Variants in ADAMTS2 observed in about 807,000 individuals in gnomAD.
ADAMTS2 encodes A disintegrin and metalloproteinase with thrombospondin motifs 2.
A neutral mutation model predicts 123.0 loss-of-function variants in ADAMTS2; 50 were observed. That is an observed-to-expected ratio of 0.41 (90% confidence interval 0.32 to 0.51). The LOEUF is 0.51. Among genes scored for constraint, ADAMTS2 ranks in the 20% least tolerant of loss-of-function variants. ADAMTS2 has a pLI of 0.35. For missense variants in ADAMTS2, 1,494 were observed against 1,705.2 expected (o/e 0.88, Z 2.18); for synonymous variants, 678 against 695.4 (o/e 0.98, Z 0.39).
intron 10 of ADAMTS2, among the ~76,000 whole-genome samples, chr5:179,148,675 C>T (rs994077742): frequency 2.6e-5 from 4 of 152,214 alleles, no homozygotes; most frequent in Admixed American, 1.3e-4. Flanking sequence ...TGGTCCTCCT[C>T]GCTCGGGCAA....
At chr5:179,172,801 A>C (rs1304737765) in intron 5 of ADAMTS2, among the ~76,000 whole-genome samples, 1 of 152,234 alleles carries the variant, frequency 6.6e-6, no homozygotes, top group Non-Finnish European at 1.5e-5. Flanking sequence ...AGAGTGCTGA[A>C]TTCAGTCAAA....
Position 179,115,050 on chromosome 5 carries a change from A to T in ADAMTS2, c.3179-726T>A, listed in dbSNP as rs1762635939. Reference sequence around the variant, plus strand: ...CACCTTGCGCATCCAGCCATTTCCCAAAGAAACGTGCTGCCCTCACATAGA... The same window carrying T: ...CACCTTGCGCATCCAGCCATTTCCCTAAGAAACGTGCTGCCCTCACATAGA... On this transcript the variant is annotated intron_variant, in intron 21 of 21. Coordinates refer to ENST00000251582, the MANE Select transcript of ADAMTS2 (RefSeq NM_014244.5). The surrounding 1 kb of genome is among the most constrained non-coding windows in gnomAD (Gnocchi z 4.4). Among the ~76,000 whole-genome samples, 1 of 152,136 alleles carries T rather than the reference A, an allele frequency of 6.6e-6. No individual in the cohort carries two copies. Among genetic ancestry groups the T allele is most frequent in the Non-Finnish European group, 1.5e-5 (1 of 68,028 alleles).
In ADAMTS2 at chr5:179,129,242, G is replaced by T. The variant is rs574494602; in HGVS notation, c.2457+690C>A. 6.6e-6 allele frequency among the ~76,000 whole-genome samples: 1 copy of T among 152,146 alleles called. No homozygotes were observed. Among genetic ancestry groups the T allele is most frequent in the East Asian group, 1.9e-4 (1 of 5,186 alleles). ...GGCAGGGTGCCAGGGGGTACACGGG[G>T]CATACCTGGCTCACTGCTGCACCTG... On this transcript the variant is annotated intron_variant, in intron 16 of 21. Transcript: ENST00000251582. The surrounding 1 kb of genome is among the most constrained non-coding windows in gnomAD (Gnocchi z 4.1).
At chr5:179,271,868 G>A (rs961422443) in intron 3 of ADAMTS2, among the ~76,000 whole-genome samples, 1 of 152,230 alleles carries the variant, frequency 6.6e-6, no homozygotes, top group African/African-American at 2.4e-5. Flanking sequence ...AGGCGGGGCT[G>A]CTATGGAGTG....
intron 13 of ADAMTS2, among the ~76,000 whole-genome samples, chr5:179,134,111 G>A (rs1416816017): frequency 6.6e-6 from 1 of 152,192 alleles, no homozygotes; most frequent in Admixed American, 6.5e-5. Flanking sequence ...TTACAACCAT[G>A]ATCACAGCTG....
chr5:179,156,516 T>C (rs535818153), intron 6 of ADAMTS2, among the ~76,000 whole-genome samples: 32 of 151,920 alleles, frequency 2.1e-4, no homozygotes, highest in African/African-American at 7.0e-4. Context: ...CCCGCCACCA[T>C]GCTCAGCTAA....
At position 179,136,057 on chromosome 5, in the gene ADAMTS2, GCTGGGGGT is replaced by G. The variant is rs773015606; in HGVS notation, c.1952-23_1952-16del. 58 of 1,613,052 alleles carry G rather than the reference GCTGGGGGT, an allele frequency of 3.6e-5. No homozygotes were observed. Among genetic ancestry groups the G allele is most frequent in the Non-Finnish European group, 4.7e-5 (55 of 1,180,012 alleles). On this transcript the variant is annotated splice_polypyrimidine_tract_variant and intron_variant, in intron 12 of 21. Transcript: ENST00000251582. ...TCTCTCCTTGGCTGGAAGGGAAGCA[GCTGGGGGT>G]CTGCAAGGAGCCCTGATGGCTTCCC...
At chr5:179,245,417 A>C (rs1381156776) in intron 3 of ADAMTS2, among the ~76,000 whole-genome samples, 1 of 152,218 alleles carries the variant, frequency 6.6e-6, no homozygotes, top group Non-Finnish European at 1.5e-5. Context: ...AATTTGTGGT[A>C]ATTTGTTACC....
intron 2 of ADAMTS2, among the ~76,000 whole-genome samples, chr5:179,305,780 G>A (rs969456119): frequency 6.6e-6 from 1 of 151,982 alleles, no homozygotes; most frequent in African/African-American, 2.4e-5. Context: ...ACCAGTATCA[G>A]AATATTTTTA....
intron 10 of ADAMTS2, 135 bp downstream of exon 10, chr5:179,152,007 G>T: frequency 2.7e-6 from 2 of 740,944 alleles, no homozygotes. Flanking sequence ...AATTAGAAGG[G>T]GGAAAGGAGA....
At chr5:179,139,817 G>C in intron 11 of ADAMTS2, 73 bp downstream of exon 11, 1 of 1,597,704 alleles carries the variant, frequency 6.3e-7, no homozygotes, top group Non-Finnish European at 8.5e-7. Flanking sequence ...TCCAGGACAG[G>C]GCTGGCTGGA....
At chr5:179,196,666 T>C (rs1015159920) in intron 4 of ADAMTS2, among the ~76,000 whole-genome samples, 1 of 152,218 alleles carries the variant, frequency 6.6e-6, no homozygotes, top group Admixed American at 6.5e-5. Context: ...ACTGATGTAG[T>C]GAAAGGCACA....
At chr5:179,147,238 GCCA>G (rs1318875412) in intron 10 of ADAMTS2, among the ~76,000 whole-genome samples, 1 of 152,096 alleles carries the variant, frequency 6.6e-6, no homozygotes, top group African/African-American at 2.4e-5. Flanking sequence ...ATAGGCATGC[GCCA>G]CCATGCCTGG....
intron 2 of ADAMTS2, among the ~76,000 whole-genome samples, chr5:179,324,393 CTTT>C (rs35845418): frequency 2.1e-5 from 3 of 142,072 alleles, no homozygotes. Context: ...TTATTTTTCT[CTTT>C]TTTTTTTTTT....
chr5:179,343,644 A>T, intron 2 of ADAMTS2, 123 bp downstream of exon 2: 2 of 1,356,064 alleles, frequency 1.5e-6, no homozygotes, highest in Non-Finnish European at 2.0e-6. Flanking sequence ...TCACTAAAGC[A>T]CGGGAAGGGC....
chr5:179,217,591 G>T (rs465621), intron 3 of ADAMTS2, among the ~76,000 whole-genome samples: 41,456 of 152,150 alleles, frequency 0.27, 6,190 homozygotes, highest in African/African-American at 0.37. Context: ...AAAATGTAGC[G>T]AGGCACCTTT....
At chr5:179,223,142 T>G (rs538421814) in intron 3 of ADAMTS2, among the ~76,000 whole-genome samples, 4 of 152,352 alleles carry the variant, frequency 2.6e-5, no homozygotes, top group African/African-American at 9.6e-5. Flanking sequence ...TTGCCAGCCT[T>G]GCGTGGCACC....
At position 179,139,896 on chromosome 5, in the gene ADAMTS2, T is replaced by C. The variant is rs145336133; in HGVS notation, c.1769A>G (p.Asn590Ser). The change falls in exon 11 of 22, where the codon AAC (asparagine) becomes AGC (serine). Residue 590 changes from asparagine (N) to serine (S), a missense_variant. Physicochemically the swap from Asn to Ser is conservative, Grantham distance 46. This residue lies in a region of ADAMTS2 where 953 missense variants were observed against 1,124.7 expected (regional missense o/e 0.85). Transcript: ENST00000251582. The part of the protein sequence containing the change: ...GVKFRTRQCD[N>S]PHPANGGRTC... ...GGACATGGGGCCAACTCACTGTGGG[T>C]TGTCACACTGGCGGGTCCTGAACTT... 2 of 1,612,282 alleles carry C rather than the reference T, an allele frequency of 1.2e-6. No individual in the cohort carries two copies. Among genetic ancestry groups the C allele is most frequent in the African/African-American group, 2.7e-5 (2 of 74,872 alleles).
chr5:179,306,748 C>G (rs1448164656), intron 2 of ADAMTS2, among the ~76,000 whole-genome samples: 1 of 152,184 alleles, frequency 6.6e-6, no homozygotes, highest in Non-Finnish European at 1.5e-5. Context: ...CTGCTCCAGC[C>G]TCATGAAGCT....
Sources: allele counts gnomAD v4.1 joint callset (sites outside exome capture counted in the v4.1 genomes callset), GRCh38; gene constraint gnomAD v4.1.1; regional missense constraint gnomAD v4.1.1; non-coding constraint Gnocchi (gnomAD v3.1); transcripts MANE v1.5; gene names NCBI Gene and HGNC (gene_info 2026-07-23, HGNC 2026-07-21).